The following NEGR1 variants were observed in gnomAD, a reference collection of about 807,000 sequenced individuals.
The protein encoded by NEGR1 is IgLON family member 4.
A neutral mutation model predicts 40.9 loss-of-function variants in NEGR1; 10 were observed. The observed-to-expected ratio is 0.24, with a 90% CI of 0.15 to 0.42. The LOEUF (loss-of-function observed/expected upper bound fraction) is 0.42. Among genes scored for constraint, NEGR1 ranks in the 10% least tolerant of loss-of-function variants. The probability of loss-of-function intolerance (pLI) is 1.00; values close to 1 mark genes in which losing one functional copy is unlikely to be tolerated. For synonymous variants in NEGR1, 185 were observed against 166.8 expected (o/e 1.11, Z -0.84); for missense variants, 352 against 438.9 (o/e 0.80, Z 1.77).
intron 6 of NEGR1, among the ~76,000 whole-genome samples, chr1:71,475,749 T>G (rs945130299): frequency 6.6e-6 from 1 of 152,056 alleles, no homozygotes. Context: ...GGAACTAATC[T>G]CAGCTTAAAA....
chr1:71,622,102 A>G (rs1650627453), intron 4 of NEGR1, among the ~76,000 whole-genome samples: 1 of 151,946 alleles, frequency 6.6e-6, no homozygotes, highest in Admixed American at 6.6e-5. Flanking sequence ...CCAGTGATGC[A>G]TCCACTGTAA....
chr1:71,522,050 A>G (rs1647160789), intron 6 of NEGR1, among the ~76,000 whole-genome samples: 1 of 152,034 alleles, frequency 6.6e-6, no homozygotes, highest in Admixed American at 6.6e-5. Context: ...AGGCAAAAAT[A>G]AAAACATAAG....
intron 1 of NEGR1, among the ~76,000 whole-genome samples, chr1:72,170,208 C>T (rs1400356113): frequency 6.6e-6 from 1 of 152,110 alleles, no homozygotes; most frequent in African/African-American, 2.4e-5. Context: ...GGAATAAATG[C>T]TTCTTTTATA....
At chr1:72,149,464 T>C (rs1025621049) in intron 1 of NEGR1, among the ~76,000 whole-genome samples, 7 of 152,186 alleles carry the variant, frequency 4.6e-5, no homozygotes, top group South Asian at 4.1e-4. Context: ...TTCCGTTCTA[T>C]GTCATATGCT....
chr1:72,057,654 G>C (rs558672329), intron 1 of NEGR1, among the ~76,000 whole-genome samples: 1 of 151,446 alleles, frequency 6.6e-6, no homozygotes, highest in Non-Finnish European at 1.5e-5. Flanking sequence ...TGCTTGGACT[G>C]TCATAATAAA....
chr1:72,228,076 A>C (rs554170299), intron 1 of NEGR1, among the ~76,000 whole-genome samples: 1 of 152,122 alleles, frequency 6.6e-6, no homozygotes, highest in African/African-American at 2.4e-5. Flanking sequence ...CTTTAAATAC[A>C]GGCTACTATT....
At chr1:71,828,330 C>T (rs563997316) in intron 2 of NEGR1, among the ~76,000 whole-genome samples, 70 of 151,934 alleles carry the variant, frequency 4.6e-4, no homozygotes, top group African/African-American at 1.5e-3. Context: ...ATTAGTTCTA[C>T]TCTTCATCCT....
chr1:72,009,483 C>G (rs547957328), intron 1 of NEGR1, among the ~76,000 whole-genome samples: 79 of 151,804 alleles, frequency 5.2e-4, no homozygotes, highest in African/African-American at 1.8e-3. Flanking sequence ...CTTTTAAATG[C>G]AGAGGGTTTT....
intron 1 of NEGR1, among the ~76,000 whole-genome samples, chr1:72,133,111 T>G (rs939011517): frequency 2.0e-5 from 3 of 152,148 alleles, no homozygotes; most frequent in African/African-American, 7.2e-5. Context: ...TAAAGACTTA[T>G]AACCACTGTT....
chr1:71,423,678 C>T (rs1449732557), intron 6 of NEGR1, among the ~76,000 whole-genome samples: 2 of 152,076 alleles, frequency 1.3e-5, no homozygotes, highest in Non-Finnish European at 2.9e-5. Flanking sequence ...CGTAATTCCA[C>T]TGTTAAATAC....
chr1:72,206,273 C>T (rs1653394181), intron 1 of NEGR1, among the ~76,000 whole-genome samples: 1 of 151,710 alleles, frequency 6.6e-6, no homozygotes, highest in South Asian at 2.1e-4. Context: ...ATATTTGAGC[C>T]TTGGCACAAA....
intron 1 of NEGR1, chr1:72,274,713 T>G: frequency 2.0e-6 from 2 of 1,013,980 alleles, no homozygotes; most frequent in Non-Finnish European, 3.2e-6. Flanking sequence ...TTGTGCAGAA[T>G]GGAAAAGTAA....
chr1:71,927,818 TAAAAAAA>T (rs35429988), intron 2 of NEGR1, among the ~76,000 whole-genome samples: 89 of 22,420 alleles, frequency 4.0e-3, no homozygotes, highest in African/African-American at 0.015. Flanking sequence ...ACCCAATCTC[TAAAAAAA>T]AAAAAAAAAA....
At position 71,991,249 on chromosome 1, in the gene NEGR1, A is replaced by G. The variant is rs1407180522; in HGVS notation, c.177-55938T>C. ...ACTCCTCTGTTACAGTTAGCTCTCA[A>G]GTTGCATATTCCTCCTCTATAATCT... On this transcript the variant is annotated intron_variant, in intron 1 of 6. Transcript: ENST00000357731. Among the ~76,000 whole-genome samples, 5 of 152,150 alleles carry G rather than the reference A, an allele frequency of 3.3e-5. No homozygotes were observed. In the East Asian group the frequency reaches 9.7e-4, roughly 29 times the overall value.
intron 1 of NEGR1, among the ~76,000 whole-genome samples, chr1:72,255,613 G>A (rs1238780531): frequency 7.0e-6 from 1 of 142,642 alleles, no homozygotes; most frequent in Non-Finnish European, 1.5e-5. Context: ...GCAGTGGCAT[G>A]ATCTCAGCTC....
intron 3 of NEGR1, among the ~76,000 whole-genome samples, chr1:71,758,748 T>C (rs911616572): frequency 6.6e-6 from 1 of 152,180 alleles, no homozygotes; most frequent in Non-Finnish European, 1.5e-5. Context: ...TTCTCTATAA[T>C]TGCCAAGGAC....
chr1:71,633,725 G>T (rs996784809), intron 4 of NEGR1, among the ~76,000 whole-genome samples: 16 of 152,096 alleles, frequency 1.1e-4, no homozygotes, highest in Non-Finnish European at 1.8e-4. Flanking sequence ...GAGAGGAAAT[G>T]GGCATTTATA....
chr1:71,935,533 G>C (rs1645897662), intron 1 of NEGR1, among the ~76,000 whole-genome samples: 1 of 151,826 alleles, frequency 6.6e-6, no homozygotes, highest in Non-Finnish European at 1.5e-5. Flanking sequence ...TAGTGTGTGT[G>C]TGTGTGTGTG....
At chr1:71,547,076 T>C (rs1156729090) in intron 6 of NEGR1, among the ~76,000 whole-genome samples, 2 of 151,772 alleles carry the variant, frequency 1.3e-5, no homozygotes, top group East Asian at 3.9e-4. Context: ...CTAACACTTA[T>C]GACCTTATTG....
Sources: allele counts gnomAD v4.1 joint callset (sites outside exome capture counted in the v4.1 genomes callset), GRCh38; gene constraint gnomAD v4.1.1; transcripts MANE v1.5; gene names NCBI Gene and HGNC (gene_info 2026-07-23, HGNC 2026-07-21).